Variants in DNAJC1 observed in about 807,000 individuals in gnomAD.
DNAJC1 encodes DnaJ heat shock protein family (Hsp40) member C1, also known as dnaJ homolog subfamily C member 1.
Under a neutral mutation model 76.6 loss-of-function variants are expected in DNAJC1, and 58 were observed. That is an observed-to-expected ratio of 0.76 (90% CI 0.61 to 0.94). DNAJC1 has a LOEUF of 0.94. Among genes scored for constraint, DNAJC1 ranks in the 40% least tolerant of loss-of-function variants. The probability of loss-of-function intolerance (pLI) is 0.00; values close to 1 mark genes in which losing one functional copy is unlikely to be tolerated. For synonymous variants in DNAJC1, 258 were observed against 267.9 expected (o/e 0.96, Z 0.36); for missense variants, 689 against 677.3 (o/e 1.02, Z -0.19).
intron 8 of DNAJC1, among the ~76,000 whole-genome samples, chr10:21,837,571 T>C (rs959709090): frequency 1.9e-4 from 29 of 149,350 alleles, no homozygotes; most frequent in Non-Finnish European, 3.7e-4. Flanking sequence ...CGACCCCATA[T>C]GGGAGGTGAG....
intron 8 of DNAJC1, among the ~76,000 whole-genome samples, chr10:21,819,515 A>C (rs1835123223): frequency 6.6e-6 from 1 of 152,220 alleles, no homozygotes; most frequent in African/African-American, 2.4e-5. Context: ...AAATTATAGA[A>C]GCTTAGAATC....
intron 9 of DNAJC1, among the ~76,000 whole-genome samples, chr10:21,786,101 T>C (rs1322605430): frequency 6.6e-6 from 1 of 151,914 alleles, no homozygotes; most frequent in African/African-American, 2.4e-5. Flanking sequence ...TACAGGCGCG[T>C]GAGGCAAGAA....
At chr10:21,914,232 T>A (rs1241019825) in intron 6 of DNAJC1, among the ~76,000 whole-genome samples, 1 of 152,156 alleles carries the variant, frequency 6.6e-6, no homozygotes, top group Non-Finnish European at 1.5e-5. Flanking sequence ...ATCCACTAAG[T>A]ATAATAGCTT....
intron 8 of DNAJC1, among the ~76,000 whole-genome samples, chr10:21,842,243 A>G: frequency 6.6e-6 from 1 of 151,936 alleles, no homozygotes; most frequent in African/African-American, 2.4e-5. Context: ...AACTTAAAGT[A>G]TAATAAGAAT....
chr10:21,763,068 C>G (rs1834259497), intron 10 of DNAJC1, among the ~76,000 whole-genome samples: 1 of 152,088 alleles, frequency 6.6e-6, no homozygotes, highest in South Asian at 2.1e-4. Flanking sequence ...GTAGCTGAGA[C>G]CACAGGCATG....
intron 7 of DNAJC1, among the ~76,000 whole-genome samples, chr10:21,899,945 T>C (rs1162401968): frequency 2.6e-5 from 4 of 152,126 alleles, no homozygotes; most frequent in Non-Finnish European, 2.9e-5. Context: ...TGGGTGTCAG[T>C]GAGTGATTGG....
At chr10:21,999,656 T>C (rs1838485283) in intron 1 of DNAJC1, among the ~76,000 whole-genome samples, 2 of 152,116 alleles carry the variant, frequency 1.3e-5, no homozygotes, top group Non-Finnish European at 2.9e-5. Context: ...GGTTTTACCA[T>C]GTTGGCCAGG....
intron 7 of DNAJC1, among the ~76,000 whole-genome samples, chr10:21,886,842 G>A (rs1246235634): frequency 6.6e-6 from 1 of 151,954 alleles, no homozygotes; most frequent in Non-Finnish European, 1.5e-5. Context: ...AGACAAGGAT[G>A]CCCTTTCTCA....
intron 7 of DNAJC1, among the ~76,000 whole-genome samples, chr10:21,900,608 A>C (rs1836636244): frequency 6.6e-6 from 1 of 152,222 alleles, no homozygotes; most frequent in African/African-American, 2.4e-5. Context: ...CCCTAGGTAA[A>C]AGTACCTAGG....
intron 9 of DNAJC1, among the ~76,000 whole-genome samples, chr10:21,797,660 T>C (rs1834764330): frequency 2.0e-5 from 3 of 152,200 alleles, no homozygotes; most frequent in Admixed American, 6.5e-5. Flanking sequence ...AATGACCTTA[T>C]GGCGGGAGTG....
At chr10:21,907,089 G>A (rs1249740190) in intron 6 of DNAJC1, among the ~76,000 whole-genome samples, 2 of 152,144 alleles carry the variant, frequency 1.3e-5, no homozygotes, top group Non-Finnish European at 2.9e-5. Context: ...CATTTTCCCT[G>A]TTAATGTTTC....
At chr10:21,952,964 T>C (rs779719993) in intron 1 of DNAJC1, among the ~76,000 whole-genome samples, 14 of 152,120 alleles carry the variant, frequency 9.2e-5, no homozygotes, top group Non-Finnish European at 1.8e-4. Flanking sequence ...TTTCTTATTA[T>C]TCAAGAAGTA....
At chr10:21,818,213 C>A (rs1252186123) in intron 8 of DNAJC1, among the ~76,000 whole-genome samples, 1 of 152,130 alleles carries the variant, frequency 6.6e-6, no homozygotes, top group South Asian at 2.1e-4. Flanking sequence ...TCTAAAATGG[C>A]CCCCTTAGGT....
intron 9 of DNAJC1, among the ~76,000 whole-genome samples, chr10:21,796,305 A>T (rs1182514420): frequency 6.6e-6 from 1 of 152,068 alleles, no homozygotes; most frequent in Non-Finnish European, 1.5e-5. Context: ...ATATTCTATT[A>T]TATGTACATC....
chr10:21,804,142 T>G (rs1692229157), intron 9 of DNAJC1, among the ~76,000 whole-genome samples: 1 of 152,130 alleles, frequency 6.6e-6, no homozygotes, highest in East Asian at 1.9e-4. Context: ...TAAAAAATTT[T>G]CATCTTTCTC....
At chr10:21,850,002 A>G (rs1006306086) in intron 8 of DNAJC1, among the ~76,000 whole-genome samples, 5 of 152,144 alleles carry the variant, frequency 3.3e-5, no homozygotes, top group African/African-American at 1.2e-4. Flanking sequence ...GAGAAACCAT[A>G]GCTAACATCA....
intron 1 of DNAJC1, among the ~76,000 whole-genome samples, chr10:21,989,536 C>T (rs984617822): frequency 2.6e-5 from 4 of 152,104 alleles, no homozygotes; most frequent in Non-Finnish European, 5.9e-5. Context: ...AAGTACTCTA[C>T]CAAGGCCTGG....
chr10:21,910,833 A>AAAG (rs1836844769), intron 6 of DNAJC1, among the ~76,000 whole-genome samples: 1 of 45,028 alleles, frequency 2.2e-5, no homozygotes, highest in Admixed American at 2.8e-4. Flanking sequence ...GAAAGGAAGG[A>AAAG]GAGGAGAGGA....
chr10:21,826,237 CA>C (rs538301271), intron 8 of DNAJC1, among the ~76,000 whole-genome samples: 1,481 of 77,458 alleles, frequency 0.019, 51 homozygotes, highest in Non-Finnish European at 0.026. Flanking sequence ...AGACTTTGTC[CA>C]AAAAAAAAAA....
Sources: allele counts gnomAD v4.1 joint callset (sites outside exome capture counted in the v4.1 genomes callset), GRCh38; gene constraint gnomAD v4.1.1; transcripts MANE v1.5; gene names NCBI Gene and HGNC (gene_info 2026-07-23, HGNC 2026-07-21).